KLK5: variants seen among roughly 807,000 people sequenced by gnomAD.
The protein encoded by KLK5 is kallikrein-5.
In KLK5, 18 loss-of-function variants were observed where a neutral mutation model predicts 24.0. The observed-to-expected ratio is 0.75, with a 90% CI of 0.52 to 1.11. The LOEUF (loss-of-function observed/expected upper bound fraction) is 1.11, where lower values mean the gene tolerates loss of function less well. Ranked by LOEUF, KLK5 falls within the 50% of genes most tolerant of loss-of-function variation. The probability of loss-of-function intolerance (pLI) is 0.00; values close to 1 mark genes in which losing one functional copy is unlikely to be tolerated. For missense variants in KLK5, 374 were observed against 379.2 expected (o/e 0.99, Z 0.11); for synonymous variants, 140 against 154.0 (o/e 0.91, Z 0.67).
intron 2 of KLK5, 110 bp from the exon 3 acceptor site, chr19:50,950,226 AG>A: frequency 3.0e-6 from 3 of 1,014,994 alleles, no homozygotes; most frequent in Non-Finnish European, 2.9e-6. Flanking sequence ...TGACATGCTG[AG>A]GGGGCAGGGG....
chr19:50,943,348 G>A lies in KLK5; in HGVS notation c.*283C>T. The A allele has an allele frequency of 3.3e-6, 1 of 304,694 alleles. No homozygotes were observed. Among genetic ancestry groups the A allele is most frequent in the South Asian group, 9.0e-5 (1 of 11,090 alleles). 18.9% of individuals were successfully genotyped at this position (304,694 alleles called of 1,614,324 possible). A position where few individuals can be genotyped will look rare whatever the true frequency, so the allele number is the denominator to read the frequency against. ...CTGGGACTAAATTTGGGTCAGAGCT[G>A]CAGAGAAGGGATGGGCCCTGAGCTT... On this transcript the variant is annotated 3_prime_UTR_variant, in exon 6 of 6. Transcript: ENST00000336334.
intron 5 of KLK5, among the ~76,000 whole-genome samples, chr19:50,948,208 A>G (rs1183093485): frequency 1.3e-5 from 2 of 151,130 alleles, no homozygotes; most frequent in Non-Finnish European, 2.9e-5. Flanking sequence ...TGCAACCTCC[A>G]CCTCCTGGGT....
chr19:50,947,657 ACC>A lies in KLK5; in HGVS notation c.726+981_726+982del, dbSNP rs200703760. Among the ~76,000 whole-genome samples the A allele has an allele frequency of 0.012, 1,690 of 136,540 alleles. 29 individuals are homozygous for A. Among genetic ancestry groups the A allele is most frequent in the African/African-American group, 0.043 (1,589 of 37,084 alleles). The allele number at this position is 136,540 out of a possible 152,430, so 89.6% of individuals were successfully genotyped here. ...TAAATATTCTCTTGTAAAAATACCT[ACC>A]AGATTTCTCTTTTCCTTCCTCAAGA... On this transcript the variant is annotated intron_variant, in intron 5 of 5. Transcript: ENST00000336334. The surrounding 1 kb of genome is among the most constrained non-coding windows in gnomAD (Gnocchi z 8.7).
chr19:50,947,393 G>T lies in KLK5; in HGVS notation c.726+1247C>A, dbSNP rs1272613228. ...TTTCCCCTTAAACTTCACGAGTTTA[G>T]CTTCTTTGTGTCATCCATTCTCTGC... On this transcript the variant is annotated intron_variant, in intron 5 of 5. Transcript: ENST00000336334. The surrounding 1 kb of genome is among the most constrained non-coding windows in gnomAD (Gnocchi z 8.7). Among the ~76,000 whole-genome samples the T allele has an allele frequency of 6.6e-6, 1 of 152,086 alleles. No homozygotes were observed. Among genetic ancestry groups the T allele is most frequent in the Admixed American group, 6.6e-5 (1 of 15,262 alleles).
Position 50,943,772 on chromosome 19 carries a change from C to T in KLK5, c.741G>A (p.Gly247=), listed in dbSNP as rs777456488. Residue 247 remains glycine, a synonymous_variant, in exon 6 of 6, where the codon GGG becomes GGA. Transcript: ENST00000336334. ...GRDSCQGDSG[G]PVVCNGSLQG... is the part of the protein sequence containing the mutation. ...GCAGGGAGCCATTGCAGACCACAGG[C>T]CCCCCAGAATCACCCTGCAGGAGAG... 9.9e-6 allele frequency: 16 copies of T among 1,612,230 alleles called. No individual in the cohort carries two copies. Among genetic ancestry groups the T allele is most frequent in the African/African-American group, 6.7e-5 (5 of 74,826 alleles).
At position 50,952,862 on chromosome 19, in the gene KLK5, G is replaced by A. The variant is rs1298714367; in HGVS notation, c.-127C>T. 1 of 432,458 alleles carries A rather than the reference G, an allele frequency of 2.3e-6. No individual in the cohort carries two copies. 26.8% of individuals were successfully genotyped at this position (432,458 alleles called of 1,614,324 possible). On this transcript the variant is annotated 5_prime_UTR_variant, in exon 1 of 6. Coordinates refer to ENST00000336334, the MANE Select transcript of KLK5 (RefSeq NM_012427.5). ...GTCTAGCAGCCTCCAGACAGGGCAA[G>A]GAGGGGACAGAGAAAGATGTGGGTG...
At chr19:50,950,639 C>A (rs1441767173) in intron 2 of KLK5, among the ~76,000 whole-genome samples, 1 of 151,950 alleles carries the variant, frequency 6.6e-6, no homozygotes, top group Non-Finnish European at 1.5e-5. Context: ...CGCCTGTAAC[C>A]CCAGCACTCT....
chr19:50,952,257 C>T (rs934451663), intron 2 of KLK5, among the ~76,000 whole-genome samples: 1 of 112,908 alleles, frequency 8.9e-6, no homozygotes, highest in African/African-American at 3.5e-5. Flanking sequence ...ACCCCCAGTG[C>T]TACATGCATT....
In KLK5 at chr19:50,949,024, G is replaced by A; in HGVS notation, c.427C>T (p.Pro143Ser). 1.2e-6 allele frequency: 2 copies of A among 1,613,902 alleles called. No individual in the cohort carries two copies. Among genetic ancestry groups the A allele is most frequent in the Non-Finnish European group, 1.7e-6 (2 of 1,179,980 alleles). The change falls in exon 4 of 6, where the codon CCT (proline) becomes TCT (serine). Residue 143 changes from proline to serine, a missense_variant. Physicochemically the swap from Pro to Ser is moderately conservative, Grantham distance 74 (BLOSUM62 -1). Coordinates refer to ENST00000336334, the MANE Select transcript of KLK5 (RefSeq NM_012427.5). ...GAGTGGCCAGGGTGGGAGTAGCCAG[G>A]GTGGGGGATGGATTTGACCCCCTGG... is the stretch of plus-strand genomic sequence containing the variant. ...MFQGVKSIPH[P>S]GYSHPGHSND...
At chr19:50,948,083 G>A (rs2090650790) in intron 5 of KLK5, among the ~76,000 whole-genome samples, 1 of 151,746 alleles carries the variant, frequency 6.6e-6, no homozygotes, top group Non-Finnish European at 1.5e-5. Context: ...GGGATACATT[G>A]GGTTATTAAA....
intron 2 of KLK5, among the ~76,000 whole-genome samples, chr19:50,951,415 G>C (rs2090686862): frequency 6.6e-6 from 1 of 152,072 alleles, no homozygotes; most frequent in Non-Finnish European, 1.5e-5. Context: ...TGGGATTACA[G>C]GCACGCGCCA....
chr19:50,952,993 C>T lies in KLK5; in HGVS notation c.-258G>A. 1 of 220,198 alleles carries T rather than the reference C, an allele frequency of 4.5e-6. No individual in the cohort carries two copies. Among genetic ancestry groups the T allele is most frequent in the South Asian group, 1.5e-4 (1 of 6,456 alleles). The allele number at this position is 220,198 out of a possible 1,614,324, so 13.6% of individuals were successfully genotyped here. ...GGTGGGGGATTTGCTCCCAGCTCAGCCGCAGACTTCTCAGGCCTGTGCCTT... is the reference window on the plus strand; with the variant it reads ...GGTGGGGGATTTGCTCCCAGCTCAGTCGCAGACTTCTCAGGCCTGTGCCTT... On this transcript the variant is annotated 5_prime_UTR_variant, in exon 1 of 6. Coordinates refer to ENST00000336334, the MANE Select transcript of KLK5 (RefSeq NM_012427.5).
chr19:50,952,636 A>C lies in KLK5; in HGVS notation c.22T>G (p.Trp8Gly). ...ATCAGAGCACAGAGCACCCACATCC[A>C]GGGGGGTCTTGCTGTAGCCATGGCC... MATARPPWMWVLCALITA... is the reference protein window; with the variant it reads MATARPPGMWVLCALITA... Residue 8 changes from tryptophan to glycine, a missense_variant, in exon 2 of 6, where the codon TGG (tryptophan) becomes GGG (glycine). Trp to Gly is a radical substitution (Grantham distance 184). Transcript: ENST00000336334. The C allele has an allele frequency of 6.2e-7, 1 of 1,602,044 alleles. No homozygotes were observed. The highest frequency in any genetic ancestry group is 2.3e-5 in the East Asian group (1 of 43,274).
Position 50,949,977 on chromosome 19 carries a change from G to A in KLK5, c.213C>T (p.Ser71=). The change falls in exon 3 of 6, where the codon TCC becomes TCT. Residue 71 remains serine, a synonymous_variant. Coordinates refer to ENST00000336334, the MANE Select transcript of KLK5 (RefSeq NM_012427.5). The part of the protein sequence containing the change: ...DDSSSRIING[S]DCDMHTQPWQ... ...ACGGCTGGGTGTGCATATCGCAGTCGGATCCATTGATGATGCGGCTGCTGC... is the reference window on the plus strand; with the variant it reads ...ACGGCTGGGTGTGCATATCGCAGTCAGATCCATTGATGATGCGGCTGCTGC... The A allele has an allele frequency of 6.2e-7, 1 of 1,613,710 alleles. No individual in the cohort carries two copies. Among genetic ancestry groups the A allele is most frequent in the South Asian group, 1.1e-5 (1 of 91,042 alleles).
chr19:50,945,434 C>T (rs1454903900), intron 5 of KLK5, among the ~76,000 whole-genome samples: 3 of 151,746 alleles, frequency 2.0e-5, no homozygotes, highest in African/African-American at 4.8e-5. Flanking sequence ...AATAGCCACT[C>T]GGCTAATATT....
Position 50,947,617 on chromosome 19 carries a change from A to G in KLK5, c.726+1023T>C, listed in dbSNP as rs374531464. On this transcript the variant is annotated intron_variant, in intron 5 of 5. Coordinates refer to ENST00000336334, the MANE Select transcript of KLK5 (RefSeq NM_012427.5). This position sits in a 1 kb window ranked among gnomAD's most constrained non-coding sequence, Gnocchi z 8.7. ...CTCCAGCCCTTCCAGCAGCTTTGCA[A>G]TTAATCCCCTGTATTAAATATTCTC... Among the ~76,000 whole-genome samples the G allele has an allele frequency of 7.2e-5, 11 of 152,062 alleles. No homozygotes were observed. The highest frequency in any genetic ancestry group is 3.2e-3 in the Middle Eastern group (1 of 316).
At chr19:50,944,513 C>A (rs968900157) in intron 5 of KLK5, among the ~76,000 whole-genome samples, 1 of 152,110 alleles carries the variant, frequency 6.6e-6, no homozygotes, top group Non-Finnish European at 1.5e-5. Context: ...CCAGCCTGTG[C>A]AGGCCTTATT....
chr19:50,950,252 TAA>T, intron 2 of KLK5, 136 bp from the exon 3 acceptor site: 1 of 790,810 alleles, frequency 1.3e-6, no homozygotes, highest in Non-Finnish European at 2.0e-6. Context: ...GCCTGGAGAA[TAA>T]GAGTGGCACC....
In KLK5 at chr19:50,949,043, C is replaced by G; in HGVS notation, c.408G>C (p.Gly136=). 1.2e-6 allele frequency: 2 copies of G among 1,613,642 alleles called. No homozygotes were observed. Among genetic ancestry groups the G allele is most frequent in the Non-Finnish European group, 1.7e-6 (2 of 1,179,930 alleles). Residue 136 remains glycine (G), a synonymous_variant, in exon 4 of 6, where the codon GGG becomes GGC. Transcript: ENST00000336334. ...AGCCAGGGTGGGGGATGGATTTGAC[C>G]CCCTGGAACATCTGCTGCCCAGATT... ...VYESGQQMFQ[G]VKSIPHPGYS...
Sources: gnomAD v4.1 joint callset for allele counts (sites outside exome capture counted in the v4.1 genomes callset) on GRCh38, gnomAD v4.1.1 for gene constraint, Gnocchi (gnomAD v3.1) non-coding constraint, MANE v1.5 for transcripts, NCBI Gene and HGNC (gene_info 2026-07-23, HGNC 2026-07-21) for gene names.